The following RCAN1 variants were observed in gnomAD, a reference collection of about 807,000 sequenced individuals.
RCAN1 encodes the protein calcipressin-1.
In RCAN1, 11 loss-of-function variants were observed where a neutral mutation model predicts 22.9. That is an observed-to-expected ratio of 0.48 (90% CI 0.30 to 0.79). The LOEUF (loss-of-function observed/expected upper bound fraction) is 0.79, where lower values mean the gene tolerates loss of function less well. RCAN1 is among the 30% of genes least tolerant of loss of function. The probability of loss-of-function intolerance (pLI) is 0.06; values close to 1 mark genes in which losing one functional copy is unlikely to be tolerated. For missense variants in RCAN1, 291 were observed against 337.8 expected, an observed-to-expected ratio of 0.86 and a Z score of 1.09; for synonymous variants, 136 against 142.3, an observed-to-expected ratio of 0.96 and a Z score of 0.32.
At chr21:34,546,474 A>C (rs548538393) in intron 1 of RCAN1, among the ~76,000 whole-genome samples, 1 of 152,002 alleles carries the variant, frequency 6.6e-6, no homozygotes, top group East Asian at 1.9e-4. Flanking sequence ...TGTCTGAAAA[A>C]CCCCAACAAT....
intron 1 of RCAN1, among the ~76,000 whole-genome samples, chr21:34,533,952 G>A (rs1463834294): frequency 1.3e-5 from 2 of 152,204 alleles, no homozygotes; most frequent in East Asian, 1.9e-4. Flanking sequence ...GGGTGGCTGC[G>A]GAGGAGGGTC....
At chr21:34,562,334 AT>A (rs11334595) in intron 1 of RCAN1, among the ~76,000 whole-genome samples, 36,733 of 152,064 alleles carry the variant, frequency 0.24, 5,176 homozygotes, top group African/African-American at 0.39. Flanking sequence ...ATTCTGCTCC[AT>A]TTGGTCATCA....
intron 1 of RCAN1, among the ~76,000 whole-genome samples, chr21:34,591,539 C>T (rs945354837): frequency 1.3e-5 from 2 of 152,278 alleles, no homozygotes; most frequent in East Asian, 1.9e-4. Context: ...GGGACACCTT[C>T]TATCCTGTGG....
At chr21:34,540,931 G>T (rs1224951836) in intron 1 of RCAN1, among the ~76,000 whole-genome samples, 1 of 151,974 alleles carries the variant, frequency 6.6e-6, no homozygotes, top group Non-Finnish European at 1.5e-5. Context: ...GTTGCAGTGA[G>T]CCGAGATCGC....
chr21:34,602,665 T>C (rs1385461420), intron 1 of RCAN1, among the ~76,000 whole-genome samples: 1 of 152,176 alleles, frequency 6.6e-6, no homozygotes. Flanking sequence ...CTGTCACTAC[T>C]TGACTAGAGT....
intron 1 of RCAN1, among the ~76,000 whole-genome samples, chr21:34,549,432 G>A (rs1986276558): frequency 6.6e-6 from 1 of 152,132 alleles, no homozygotes; most frequent in South Asian, 2.1e-4. Flanking sequence ...CTGCTTTTGA[G>A]TTTGAAAATG....
intron 1 of RCAN1, among the ~76,000 whole-genome samples, chr21:34,588,817 T>TC (rs1036904953): frequency 6.6e-6 from 1 of 151,846 alleles, no homozygotes; most frequent in Non-Finnish European, 1.5e-5. Flanking sequence ...CAAAATGTAG[T>TC]CCATCCATAC....
chr21:34,525,001 G>A (rs1984917965), intron 1 of RCAN1: 3 of 1,521,650 alleles, frequency 2.0e-6, no homozygotes, highest in Non-Finnish European at 2.7e-6. Flanking sequence ...GTGGGAGCCC[G>A]TGTGAAAGGC....
chr21:34,568,350 A>G (rs1987109691), intron 1 of RCAN1, among the ~76,000 whole-genome samples: 1 of 152,218 alleles, frequency 6.6e-6, no homozygotes. Context: ...GGACCTTGCT[A>G]TATATAATTA....
intron 1 of RCAN1, among the ~76,000 whole-genome samples, chr21:34,565,770 G>T (rs1045826851): frequency 6.6e-6 from 1 of 152,154 alleles, no homozygotes; most frequent in African/African-American, 2.4e-5. Flanking sequence ...ATGTGTGCTC[G>T]GCAAAATGTG....
intron 1 of RCAN1, among the ~76,000 whole-genome samples, chr21:34,593,567 C>T (rs766776607): frequency 1.3e-5 from 2 of 152,210 alleles, no homozygotes; most frequent in Non-Finnish European, 2.9e-5. Context: ...ACCCACTTGG[C>T]CTGTCTCTTA....
intron 1 of RCAN1, among the ~76,000 whole-genome samples, chr21:34,554,924 A>G (rs1434271271): frequency 2.6e-5 from 4 of 152,218 alleles, no homozygotes; most frequent in Non-Finnish European, 2.9e-5. Flanking sequence ...CTTATTTACT[A>G]TCATGAGAAC....
chr21:34,542,897 T>C (rs1985979218), intron 1 of RCAN1, among the ~76,000 whole-genome samples: 1 of 151,968 alleles, frequency 6.6e-6, no homozygotes, highest in Non-Finnish European at 1.5e-5. Flanking sequence ...TACAACAGAG[T>C]TGTAGAAGTA....
At chr21:34,548,162 AC>A (rs1986220520) in intron 1 of RCAN1, among the ~76,000 whole-genome samples, 1 of 152,210 alleles carries the variant, frequency 6.6e-6, no homozygotes, top group Non-Finnish European at 1.5e-5. Context: ...AGATGAAGAC[AC>A]CTACCACCAC....
intron 1 of RCAN1, among the ~76,000 whole-genome samples, chr21:34,545,739 C>T (rs1440590468): frequency 5.3e-5 from 8 of 152,184 alleles, no homozygotes; most frequent in African/African-American, 1.9e-4. Context: ...ATGCCAGCAG[C>T]TTTCCCCCAG....
intron 1 of RCAN1, among the ~76,000 whole-genome samples, chr21:34,551,302 T>C (rs1453599557): frequency 1.3e-5 from 2 of 152,200 alleles, no homozygotes; most frequent in South Asian, 2.1e-4. Flanking sequence ...GTCACAGATA[T>C]TTACCCTTGC....
intron 1 of RCAN1, among the ~76,000 whole-genome samples, chr21:34,592,392 A>G (rs1435497543): frequency 6.6e-6 from 1 of 152,206 alleles, no homozygotes; most frequent in East Asian, 1.9e-4. Context: ...CTGGGCTAAA[A>G]AAAGCTTCGA....
chr21:34,549,571 G>A (rs2123642247), intron 1 of RCAN1, among the ~76,000 whole-genome samples: 1 of 152,294 alleles, frequency 6.6e-6, no homozygotes, highest in East Asian at 1.9e-4. Context: ...TGACCCTCCA[G>A]TCCAGGCTAA....
At chr21:34,601,536 A>G (rs1019829162) in intron 1 of RCAN1, among the ~76,000 whole-genome samples, 2 of 152,154 alleles carry the variant, frequency 1.3e-5, no homozygotes, top group African/African-American at 2.4e-5. Flanking sequence ...GGTGAATGCT[A>G]GGCTGGGCAC....
Sources: gnomAD v4.1 joint callset for allele counts (sites outside exome capture counted in the v4.1 genomes callset) on GRCh38, gnomAD v4.1.1 for gene constraint, MANE v1.5 for transcripts, NCBI Gene and HGNC (gene_info 2026-07-23, HGNC 2026-07-21) for gene names.